Variants in PDE11A observed in about 807,000 individuals in gnomAD.
PDE11A encodes phosphodiesterase 11A, also known as dual 3',5'-cyclic-AMP and -GMP phosphodiesterase 11A.
A neutral mutation model predicts 100.5 loss-of-function variants in PDE11A; 100 were observed. That is an observed-to-expected ratio of 1.00 (90% CI 0.85 to 1.18). The LOEUF (loss-of-function observed/expected upper bound fraction) is 1.18. PDE11A is among the 50% of genes most tolerant of loss of function. PDE11A has a pLI of 0.00. For missense variants in PDE11A, 1,141 were observed against 1,152.6 expected, an observed-to-expected ratio of 0.99 and a Z score of 0.15; for synonymous variants, 381 against 420.8, an observed-to-expected ratio of 0.91 and a Z score of 1.16.
At chr2:177,730,318 C>T (rs753467608) in intron 10 of PDE11A, among the ~76,000 whole-genome samples, 1 of 152,066 alleles carries the variant, frequency 6.6e-6, no homozygotes, top group African/African-American at 2.4e-5. Flanking sequence ...TGAGTGAGAA[C>T]ATGCGGTGTT....
At chr2:177,829,481 A>G (rs2083276833) in intron 6 of PDE11A, among the ~76,000 whole-genome samples, 1 of 151,832 alleles carries the variant, frequency 6.6e-6, no homozygotes, top group Non-Finnish European at 1.5e-5. Flanking sequence ...GTCTCATGCT[A>G]TAGCCAGGCT....
intron 2 of PDE11A, among the ~76,000 whole-genome samples, chr2:177,982,952 CACCGGTAAT>C (rs2085900698): frequency 6.6e-6 from 1 of 150,392 alleles, no homozygotes; most frequent in East Asian, 1.9e-4. Flanking sequence ...GGGTGGCACA[CACCGGTAAT>C]CCCAGTTACT....
chr2:177,673,117 A>G (rs2080709658), intron 17 of PDE11A, among the ~76,000 whole-genome samples: 1 of 152,210 alleles, frequency 6.6e-6, no homozygotes, highest in African/African-American at 2.4e-5. Flanking sequence ...AAAATCTAAG[A>G]TGTTTGTATG....
At chr2:177,652,095 C>T (rs1234771915) in intron 19 of PDE11A, among the ~76,000 whole-genome samples, 2 of 152,156 alleles carry the variant, frequency 1.3e-5, no homozygotes, top group Admixed American at 1.3e-4. Context: ...CTGAGGCAGC[C>T]CTGTGGGGTC....
At chr2:177,833,476 G>A (rs1485887281) in intron 6 of PDE11A, among the ~76,000 whole-genome samples, 4 of 152,184 alleles carry the variant, frequency 2.6e-5, no homozygotes, top group African/African-American at 9.6e-5. Context: ...CTCTCCCCAA[G>A]AGGATGCTAA....
intron 12 of PDE11A, among the ~76,000 whole-genome samples, chr2:177,712,108 T>C (rs1412359623): frequency 1.3e-5 from 2 of 152,230 alleles, no homozygotes; most frequent in African/African-American, 2.4e-5. Flanking sequence ...CACTGGGACA[T>C]AGTTCAGACT....
At chr2:178,034,644 A>C (rs1034568763) in intron 1 of PDE11A, among the ~76,000 whole-genome samples, 8 of 152,216 alleles carry the variant, frequency 5.3e-5, no homozygotes, top group African/African-American at 1.9e-4. Context: ...TCTTCAGCAA[A>C]TGTAAAAGAA....
At chr2:177,697,263 G>A (rs1438784174) in intron 15 of PDE11A, 69 bp downstream of exon 15, 19 of 815,456 alleles carry the variant, frequency 2.3e-5, no homozygotes, top group Non-Finnish European at 3.3e-5. Context: ...GTAACCTCCA[G>A]TGTAGACCTG....
chr2:178,042,477 C>CAA (rs11291265), intron 1 of PDE11A, among the ~76,000 whole-genome samples: 58 of 138,534 alleles, frequency 4.2e-4, no homozygotes, highest in South Asian at 4.1e-3. Flanking sequence ...GACTCTGTCT[C>CAA]AAAAAAAAAA....
chr2:178,057,894 A>G (rs1275556428), intron 1 of PDE11A, among the ~76,000 whole-genome samples: 1 of 152,024 alleles, frequency 6.6e-6, no homozygotes. Context: ...GTCTCACTCT[A>G]TCACCCAGGC....
intron 2 of PDE11A, among the ~76,000 whole-genome samples, chr2:178,082,663 A>G (rs960698978): frequency 2.0e-5 from 3 of 152,258 alleles, no homozygotes; most frequent in Admixed American, 6.5e-5. Context: ...GTTCAGCTTT[A>G]TGTCCCTTCG....
chr2:178,107,719 T>A (rs1017662482), intron 1 of PDE11A, among the ~76,000 whole-genome samples: 4 of 148,576 alleles, frequency 2.7e-5, no homozygotes, highest in Non-Finnish European at 6.0e-5. Context: ...TCCTTTTTTT[T>A]TCTTTTTTTT....
chr2:178,072,897 G>C, upstream of PDE11A: 5 of 1,129,088 alleles, frequency 4.4e-6, no homozygotes, highest in Non-Finnish European at 5.5e-6. Flanking sequence ...CAAAGTCCAC[G>C]GCCCAGGCTG....
intron 8 of PDE11A, among the ~76,000 whole-genome samples, chr2:177,817,499 C>T (rs149711686): frequency 7.8e-4 from 118 of 152,230 alleles, no homozygotes; most frequent in African/African-American, 2.7e-3. Flanking sequence ...TGCACGGAAG[C>T]GTGTAAACAA....
chr2:177,654,847 C>A (rs1366149884), intron 19 of PDE11A, among the ~76,000 whole-genome samples: 1 of 152,168 alleles, frequency 6.6e-6, no homozygotes, highest in Non-Finnish European at 1.5e-5. Context: ...TTCCTCCCAC[C>A]CTTCCTGCTT....
At chr2:177,968,527 A>G (rs1187191710) in intron 2 of PDE11A, among the ~76,000 whole-genome samples, 1 of 152,252 alleles carries the variant, frequency 6.6e-6, no homozygotes, top group Admixed American at 6.5e-5. Flanking sequence ...AAGAACTACT[A>G]CATACAATTC....
intron 13 of PDE11A, among the ~76,000 whole-genome samples, chr2:177,711,100 C>A (rs2081354231): frequency 6.6e-6 from 1 of 152,226 alleles, no homozygotes; most frequent in South Asian, 2.1e-4. Flanking sequence ...GTTCTGTGGC[C>A]TTGGCCACAG....
intron 5 of PDE11A, among the ~76,000 whole-genome samples, chr2:177,852,212 ACT>A (rs1490848476): frequency 6.6e-6 from 1 of 152,178 alleles, no homozygotes; most frequent in Non-Finnish European, 1.5e-5. Context: ...TTAGGGTGGG[ACT>A]GAAAGTTTCA....
intron 10 of PDE11A, among the ~76,000 whole-genome samples, chr2:177,748,656 A>G (rs966208021): frequency 2.6e-5 from 4 of 152,100 alleles, no homozygotes; most frequent in African/African-American, 9.7e-5. Flanking sequence ...TATTCTTTTA[A>G]AGGTCACAAA....
Sources: allele counts gnomAD v4.1 joint callset (sites outside exome capture counted in the v4.1 genomes callset), GRCh38; gene constraint gnomAD v4.1.1; transcripts MANE v1.5; gene names NCBI Gene and HGNC (gene_info 2026-07-23, HGNC 2026-07-21).